XRCC5: variants seen among roughly 807,000 people sequenced by gnomAD.
XRCC5 encodes the protein DNA repair protein Ku80.
In XRCC5, 12 loss-of-function variants were observed where a neutral mutation model predicts 95.7. That is an observed-to-expected ratio of 0.13 (90% confidence interval 0.08 to 0.20). The LOEUF (loss-of-function observed/expected upper bound fraction) is 0.20. Ranked by LOEUF, XRCC5 falls within the 10% of genes least tolerant of loss-of-function variation. The pLI, the probability that XRCC5 is intolerant of heterozygous loss-of-function variation, is 1.00. For missense variants in XRCC5, 595 were observed against 873.9 expected (o/e 0.68, Z 4.02); for synonymous variants, 281 against 290.3 (o/e 0.97, Z 0.33).
At chr2:216,142,023 C>A (rs1485307567) in intron 13 of XRCC5, among the ~76,000 whole-genome samples, 1 of 151,900 alleles carries the variant, frequency 6.6e-6, no homozygotes, top group Admixed American at 6.6e-5. Flanking sequence ...CCCTGTACTC[C>A]AGCCTGGGCG....
chr2:216,169,484 G>A (rs1295185274), intron 16 of XRCC5, among the ~76,000 whole-genome samples: 1 of 152,208 alleles, frequency 6.6e-6, no homozygotes, highest in Admixed American at 6.5e-5. Context: ...CAAGAGTTCA[G>A]TAAGTCAGCA....
intron 16 of XRCC5, among the ~76,000 whole-genome samples, chr2:216,163,593 T>C (rs1265060074): frequency 6.6e-6 from 1 of 152,168 alleles, no homozygotes; most frequent in Non-Finnish European, 1.5e-5. Context: ...TGAGCCACCG[T>C]GCCCGGCCCA....
At position 216,162,013 on chromosome 2, in the gene XRCC5, T is replaced by C. The variant is rs1688962001; in HGVS notation, c.1799T>C (p.Val600Ala). Residue 600 changes from valine to alanine, a missense_variant, in exon 16 of 21, where the codon GTT (valine) becomes GCT (alanine). Physicochemically the swap from Val to Ala is moderately conservative, Grantham distance 64 (BLOSUM62 0). Transcript: ENST00000392132. ...GTGAATCCTGCTGAAAACTTCCGTG[T>C]TCTAGTGAAACAGAAGAAGGCCAGC... ...GSVNPAENFR[V>A]LVKQKKASFE... 1 of 1,614,098 alleles carries C rather than the reference T, an allele frequency of 6.2e-7. No homozygotes were observed. Among genetic ancestry groups the C allele is most frequent in the African/African-American group, 1.3e-5 (1 of 74,938 alleles).
At chr2:216,161,793 G>A (rs1469079849) in intron 15 of XRCC5, among the ~76,000 whole-genome samples, 186 bp from the exon 16 acceptor site, 1 of 152,188 alleles carries the variant, frequency 6.6e-6, no homozygotes, top group African/African-American at 2.4e-5. Flanking sequence ...GGCAGCTCTT[G>A]GACCACTGAA....
chr2:216,174,991 C>T (rs747620573), intron 16 of XRCC5: 1 of 322,272 alleles, frequency 3.1e-6, no homozygotes, highest in Admixed American at 3.6e-5. Context: ...AAAACTGCAC[C>T]CTTTAATGGG....
At chr2:216,150,803 C>T (rs1031645763) in intron 14 of XRCC5, among the ~76,000 whole-genome samples, 3 of 152,054 alleles carry the variant, frequency 2.0e-5, no homozygotes, top group African/African-American at 7.2e-5. Flanking sequence ...ACAGGAGAAT[C>T]TCTTGAACCT....
intron 14 of XRCC5, among the ~76,000 whole-genome samples, chr2:216,153,822 A>G (rs1048829172): frequency 2.0e-5 from 3 of 152,196 alleles, no homozygotes; most frequent in African/African-American, 4.8e-5. Context: ...AGCCTCAAAA[A>G]CTACTAAATA....
chr2:216,144,476 C>T (rs915881224), intron 13 of XRCC5, among the ~76,000 whole-genome samples: 4 of 151,926 alleles, frequency 2.6e-5, no homozygotes, highest in African/African-American at 7.3e-5. Context: ...AGAGTGGAGA[C>T]GAGAATCAAT....
rs973551298 is a variant in XRCC5 at position 216,109,381 on chromosome 2, C to G, written c.-56C>G. On this transcript the variant is annotated 5_prime_UTR_variant, in exon 1 of 21. Transcript: ENST00000392132. Reference sequence around the variant, plus strand: ...CCGCTTGTCCACCGGAAGCGAGTTGCGACACGGCAGGTTCCCGCCCGGAAG... The same window carrying G: ...CCGCTTGTCCACCGGAAGCGAGTTGGGACACGGCAGGTTCCCGCCCGGAAG... 36 of 1,612,140 alleles carry G rather than the reference C, an allele frequency of 2.2e-5. No individual in the cohort carries two copies. The highest frequency in any genetic ancestry group is 1.3e-4 in the East Asian group (6 of 44,792).
chr2:216,194,030 C>CAGT (rs1369446882), intron 18 of XRCC5, among the ~76,000 whole-genome samples: 1 of 152,188 alleles, frequency 6.6e-6, no homozygotes, highest in East Asian at 1.9e-4. Context: ...TATCAATAGC[C>CAGT]AGTAACATGG....
chr2:216,146,764 C>T (rs1480987856), intron 13 of XRCC5, among the ~76,000 whole-genome samples: 1 of 152,206 alleles, frequency 6.6e-6, no homozygotes, highest in Non-Finnish European at 1.5e-5. Flanking sequence ...ACTTCACTCA[C>T]ATGGGCAGTG....
At chr2:216,141,953 C>G (rs1200688733) in intron 13 of XRCC5, among the ~76,000 whole-genome samples, 1 of 151,928 alleles carries the variant, frequency 6.6e-6, no homozygotes, top group Non-Finnish European at 1.5e-5. Flanking sequence ...TCTCAGGAGG[C>G]TGAAGTGGGA....
At chr2:216,122,350 C>T (rs1015773936) in intron 6 of XRCC5, 97 bp downstream of exon 6, 1 of 1,146,896 alleles carries the variant, frequency 8.7e-7, no homozygotes. Context: ...TTCTGGGCCA[C>T]TCTCTAATTA....
At chr2:216,176,958 C>T (rs1689289071) in intron 16 of XRCC5, among the ~76,000 whole-genome samples, 2 of 152,154 alleles carry the variant, frequency 1.3e-5, no homozygotes, top group Non-Finnish European at 2.9e-5. Flanking sequence ...TTCTTTGACT[C>T]TTGGGTTATT....
intron 16 of XRCC5, chr2:216,175,508 A>G: frequency 4.3e-6 from 2 of 461,060 alleles, no homozygotes; most frequent in South Asian, 3.3e-5. Flanking sequence ...TATCAATTGT[A>G]TCATGATCAT....
chr2:216,132,284 A>G (rs1320833664), intron 9 of XRCC5, 41 bp from the exon 10 acceptor site: 2 of 1,583,084 alleles, frequency 1.3e-6, no homozygotes, highest in Non-Finnish European at 1.7e-6. Context: ...TATACATGTT[A>G]CTTATTTTGG....
At chr2:216,174,909 A>G in intron 16 of XRCC5, 1 of 343,622 alleles carries the variant, frequency 2.9e-6, no homozygotes, top group South Asian at 2.9e-5. Flanking sequence ...ACCTTCTGCT[A>G]CCATATCCGT....
At chr2:216,163,756 C>T (rs1688998241) in intron 16 of XRCC5, among the ~76,000 whole-genome samples, 1 of 152,222 alleles carries the variant, frequency 6.6e-6, no homozygotes, top group Non-Finnish European at 1.5e-5. Flanking sequence ...AGAGAGCTTA[C>T]AGTCTACCAG....
chr2:216,130,913 G>A lies in XRCC5; in HGVS notation c.976G>A (p.Val326Met). The A allele has an allele frequency of 1.2e-6, 2 of 1,613,376 alleles. No homozygotes were observed. The highest frequency in any genetic ancestry group is 1.7e-6 in the Non-Finnish European group (2 of 1,179,798). Residue 326 changes from valine (V) to methionine (M), a missense_variant, in exon 9 of 21, where the codon GTG (valine) becomes ATG (methionine). Physicochemically the swap from Val to Met is conservative, Grantham distance 21. Coordinates refer to ENST00000392132, the MANE Select transcript of XRCC5 (RefSeq NM_021141.4). ...YGSDIVPFSK[V>M]DEEQMKYKSE... ...AAGTGATATAGTTCCTTTCTCTAAA[G>A]TGGATGAGGAACAAATGAAATATAA...
Sources: allele counts gnomAD v4.1 joint callset (sites outside exome capture counted in the v4.1 genomes callset), GRCh38; gene constraint gnomAD v4.1.1; transcripts MANE v1.5; gene names NCBI Gene and HGNC (gene_info 2026-07-23, HGNC 2026-07-21).